Variants in HRC observed in about 807,000 individuals in gnomAD.
HRC encodes histidine rich calcium binding protein, also known as sarcoplasmic reticulum histidine-rich calcium-binding protein.
In HRC, 41 loss-of-function variants were observed where a neutral mutation model predicts 61.4. The observed-to-expected ratio is 0.67, with a 90% confidence interval of 0.52 to 0.87. The LOEUF (loss-of-function observed/expected upper bound fraction) is 0.87, where lower values mean the gene tolerates loss of function less well. Ranked by LOEUF, HRC falls within the 40% of genes least tolerant of loss-of-function variation. HRC has a pLI of 0.00. For missense variants in HRC, 839 were observed against 885.8 expected, an observed-to-expected ratio of 0.95 and a Z score of 0.67; for synonymous variants, 308 against 326.6, an observed-to-expected ratio of 0.94 and a Z score of 0.62.
rs1341440131 is a variant in HRC, at chr19:49,151,315, A to G, written c.2081T>C (p.Leu694Pro). 7 of 1,558,624 alleles carry G rather than the reference A, an allele frequency of 4.5e-6. No homozygotes were observed. The highest frequency in any genetic ancestry group is 3.9e-5 in the Admixed American group (2 of 51,866). Residue 694 changes from leucine to proline, a missense_variant, in exon 6 of 6, where the codon CTG becomes CCG. Leu to Pro is a moderately conservative substitution (Grantham distance 98). Transcript: ENST00000252825. Reference sequence around the variant, plus strand: ...ACTGGGTCAGGGTTCCGGCGTTTCCAGCATGTCTGCCAGGGCCCTGGAGAC... The same window carrying G: ...ACTGGGTCAGGGTTCCGGCGTTTCCGGCATGTCTGCCAGGGCCCTGGAGAC... ...SSLYQALADM[L>P]ETPEP is the part of the protein sequence containing the mutation.
chr19:49,154,034 C>A lies in HRC; in HGVS notation c.1204G>T (p.Asp402Tyr), dbSNP rs1420787466. The A allele has an allele frequency of 6.2e-7, 1 of 1,614,156 alleles. No homozygotes were observed. Residue 402 changes from aspartate to tyrosine, a missense_variant, in exon 1 of 6, where the codon GAT (aspartate) becomes TAT (tyrosine). By Grantham distance (160) the Asp-to-Tyr change is radical. Coordinates refer to ENST00000252825, the MANE Select transcript of HRC (RefSeq NM_002152.3). ...TACTCATCTTGGAAGTCCTCTTCAT[C>A]ACTCTTGTGGCCTCGAGGTTGGTGG... ...ASHQPRGHKSDEEDFQDEYKT... is the reference protein window; with the variant it reads ...ASHQPRGHKSYEEDFQDEYKT...
chr19:49,151,514 T>C lies in HRC; in HGVS notation c.2063+3A>G. 1 of 1,613,684 alleles carries C rather than the reference T, an allele frequency of 6.2e-7. No homozygotes were observed. The highest frequency in any genetic ancestry group is 8.5e-7 in the Non-Finnish European group (1 of 1,179,738). The stretch of plus-strand genomic sequence containing the variant: ...TTTACACGCTCCCCTTTTACACACT[T>C]ACTGATAAAGGGACGAGGAGAAATA... On this transcript the variant is annotated splice_donor_region_variant and intron_variant, in intron 5 of 5. Coordinates refer to ENST00000252825, the MANE Select transcript of HRC (RefSeq NM_002152.3).
chr19:49,154,563 C>G lies in HRC; in HGVS notation c.675G>C (p.Glu225Asp), dbSNP rs1467988552. Residue 225 changes from glutamate to aspartate, a missense_variant, in exon 1 of 6, where the codon GAG (glutamate) becomes GAC (aspartate). Coordinates refer to ENST00000252825, the MANE Select transcript of HRC (RefSeq NM_002152.3). ...RHRGHGSEEDEDVSDGHHHHG... is the reference protein window; with the variant it reads ...RHRGHGSEEDDDVSDGHHHHG... ...GATGATGGTGTCCATCTGAGACATC[C>G]TCATCCTCTTCACTCCCATGGCCTC... 1.2e-6 allele frequency: 2 copies of G among 1,611,746 alleles called. No individual in the cohort carries two copies. The highest frequency in any genetic ancestry group is 4.5e-5 in the East Asian group (2 of 44,798).
intron 4 of HRC, 27 bp downstream of exon 4, chr19:49,151,976 GT>G (rs766014147): frequency 3.7e-6 from 6 of 1,612,080 alleles, no homozygotes; most frequent in African/African-American, 2.7e-5. Flanking sequence ...CCTTCCTCAG[GT>G]TTTTCCAGGG....
chr19:49,155,043 T>G lies in HRC; in HGVS notation c.195A>C (p.Arg65Ser), dbSNP rs1177235487. The change falls in exon 1 of 6, where the codon AGA becomes AGC. Residue 65 changes from arginine (R) to serine (S), a missense_variant. Transcript: ENST00000252825. This position sits in a 1 kb window ranked among gnomAD's most constrained non-coding sequence, Gnocchi z 4.7. ...CATCCTTGTTCTCATCTGGATGGTC[T>G]CTAGGGCTGTGGAGGTGGTGGCGAA... ...AELRHHLHSPRDHPDENKDVS... is the reference protein window; with the variant it reads ...AELRHHLHSPSDHPDENKDVS... The G allele has an allele frequency of 6.8e-6, 11 of 1,614,196 alleles. No individual in the cohort carries two copies. The highest frequency in any genetic ancestry group is 9.3e-6 in the Non-Finnish European group (11 of 1,180,026).
rs149712080 is a variant in HRC at position 49,155,096 on chromosome 19, C to T, written c.142G>A (p.Gly48Arg). The part of the protein sequence containing the change: ...RNRNNSTGVA[G>R]LSEEASAELR... ...TCTGCTGATGCCTCCTCGGAGAGCCCGGCGACTCCAGTGCTGTTGTTCCGG... is the reference window on the plus strand; with the variant it reads ...TCTGCTGATGCCTCCTCGGAGAGCCTGGCGACTCCAGTGCTGTTGTTCCGG... Residue 48 changes from glycine (G) to arginine (R), a missense_variant, in exon 1 of 6, where the codon GGG becomes AGG. Coordinates refer to ENST00000252825, the MANE Select transcript of HRC (RefSeq NM_002152.3). The surrounding 1 kb of genome is among the most constrained non-coding windows in gnomAD (Gnocchi z 4.7). 1.8e-4 allele frequency: 285 copies of T among 1,614,148 alleles called. No individual in the cohort carries two copies. In the African/African-American group the frequency reaches 2.7e-3, roughly 15 times the overall value.
chr19:49,152,278 AGT>A, intron 3 of HRC, 30 bp downstream of exon 3: 1 of 1,588,244 alleles, frequency 6.3e-7, no homozygotes, highest in Non-Finnish European at 8.6e-7. Context: ...CCTGAGGCCC[AGT>A]GGAGCCTTGA....
chr19:49,153,381 C>A lies in HRC; in HGVS notation c.1831+26G>T. 4.3e-6 allele frequency: 7 copies of A among 1,612,742 alleles called. No homozygotes were observed. Among genetic ancestry groups the A allele is most frequent in the South Asian group, 1.1e-5 (1 of 91,036 alleles). On this transcript the variant is annotated intron_variant, in intron 1 of 5. Coordinates refer to ENST00000252825, the MANE Select transcript of HRC (RefSeq NM_002152.3). The surrounding 1 kb of genome is among the most constrained non-coding windows in gnomAD (Gnocchi z 4.8). ...GACCCAGGCTGACTCGGTTCCTTCC[C>A]ACCCACACCAGCCCAGGCCACTTAC...
chr19:49,152,126 G>GGGACCAGACCC, intron 3 of HRC, 68 bp from the exon 4 acceptor site: 1 of 1,446,264 alleles, frequency 6.9e-7, no homozygotes. Flanking sequence ...GGATGGGGCC[G>GGGACCAGACCC]GGACCAGACC....
rs767817381 is a variant in HRC at position 49,153,213 on chromosome 19, A to G, written c.1902+48T>C. On this transcript the variant is annotated intron_variant, in intron 2 of 5. Coordinates refer to ENST00000252825, the MANE Select transcript of HRC (RefSeq NM_002152.3). The surrounding 1 kb of genome is among the most constrained non-coding windows in gnomAD (Gnocchi z 4.8). The stretch of plus-strand genomic sequence containing the variant: ...ACAGCACCACCCCAGGGCCCCTGGG[A>G]CAGATTCTGGGGACACCTTGGTGGG... 12 of 1,462,968 alleles carry G rather than the reference A, an allele frequency of 8.2e-6. No homozygotes were observed. Among genetic ancestry groups the G allele is most frequent in the Non-Finnish European group, 1.1e-5 (12 of 1,044,396 alleles). 90.6% of individuals were successfully genotyped at this position (1,462,968 alleles called of 1,614,324 possible). A position where few individuals can be genotyped will look rare whatever the true frequency, so the allele number is the denominator to read the frequency against.
intron 3 of HRC, 98 bp downstream of exon 3, chr19:49,152,212 G>T: frequency 1.6e-6 from 2 of 1,280,962 alleles, no homozygotes; most frequent in Non-Finnish European, 2.3e-6. Context: ...AGGGGTAAGG[G>T]GTTGGGTCAG....
Position 49,154,659 on chromosome 19 carries a change from T to G in HRC, c.579A>C (p.Glu193Asp). Residue 193 changes from glutamate (E) to aspartate (D), a missense_variant, in exon 1 of 6, where the codon GAA (glutamate) becomes GAC (aspartate). By Grantham distance (45) the Glu-to-Asp change is conservative (BLOSUM62 2). Coordinates refer to ENST00000252825, the MANE Select transcript of HRC (RefSeq NM_002152.3). ...RGHDGEDDEG[E>D]EEEEEEEEEE... ...CCTCCTCCTCCTCCTCCTCCTCCTC[T>G]TCTCCTTCATCATCTTCCCCATCAT... 6.4e-7 allele frequency: 1 copy of G among 1,552,668 alleles called. No homozygotes were observed. The highest frequency in any genetic ancestry group is 8.7e-7 in the Non-Finnish European group (1 of 1,143,450).
At position 49,153,572 on chromosome 19, in the gene HRC, C is replaced by A; in HGVS notation, c.1666G>T (p.Ala556Ser). 1.3e-6 allele frequency: 2 copies of A among 1,522,228 alleles called. No homozygotes were observed. Among genetic ancestry groups the A allele is most frequent in the Admixed American group, 1.8e-5 (1 of 55,470 alleles). 94.3% of individuals were successfully genotyped at this position (1,522,228 alleles called of 1,614,324 possible). Reference sequence around the variant, plus strand: ...GGGCTCAGTGGGGCCCCAACCTCAGCCCTCTCTTCCCTCCTCTCCTCGTCT... The same window carrying A: ...GGGCTCAGTGGGGCCCCAACCTCAGACCTCTCTTCCCTCCTCTCCTCGTCT... ...EEDEERREERAEVGAPLSPDH... is the reference protein window; with the variant it reads ...EEDEERREERSEVGAPLSPDH... Residue 556 changes from alanine to serine, a missense_variant, in exon 1 of 6, where the codon GCT (alanine) becomes TCT (serine). Physicochemically the swap from Ala to Ser is moderately conservative, Grantham distance 99. Coordinates refer to ENST00000252825, the MANE Select transcript of HRC (RefSeq NM_002152.3). This position sits in a 1 kb window ranked among gnomAD's most constrained non-coding sequence, Gnocchi z 4.8.
At position 49,154,611 on chromosome 19, in the gene HRC, A is replaced by G. The variant is rs779572271; in HGVS notation, c.627T>C (p.Tyr209=). 6.2e-7 allele frequency: 1 copy of G among 1,603,678 alleles called. No individual in the cohort carries two copies. Among genetic ancestry groups the G allele is most frequent in the East Asian group, 2.2e-5 (1 of 44,618 alleles). The change falls in exon 1 of 6, where the codon TAT becomes TAC. Residue 209 remains tyrosine, a synonymous_variant. Coordinates refer to ENST00000252825, the MANE Select transcript of HRC (RefSeq NM_002152.3). The part of the protein sequence containing the change: ...EEEEEEASTE[Y]GHQAHRHRGH... ...CTCGGTGCCTGTGGGCCTGGTGTCC[A>G]TACTCAGTGGAGGCCTCCTCTTCCT...
Position 49,153,929 on chromosome 19 carries a change from G to T in HRC, c.1309C>A (p.Gln437Lys). Reference sequence around the variant, plus strand: ...TGGCTTTGCCTGTGGCTGGGGGCCTGGTGGCCAAGCTCAGCAGAGACCTCC... The same window carrying T: ...TGGCTTTGCCTGTGGCTGGGGGCCTTGTGGCCAAGCTCAGCAGAGACCTCC... ...DEEVSAELGH[Q>K]APSHRQSHQD... Residue 437 changes from glutamine (Q) to lysine (K), a missense_variant, in exon 1 of 6, where the codon CAG (glutamine) becomes AAG (lysine). Physicochemically the swap from Gln to Lys is moderately conservative, Grantham distance 53. Coordinates refer to ENST00000252825, the MANE Select transcript of HRC (RefSeq NM_002152.3). The surrounding 1 kb of genome is among the most constrained non-coding windows in gnomAD (Gnocchi z 4.8). The T allele has an allele frequency of 6.2e-7, 1 of 1,614,108 alleles. No homozygotes were observed. The highest frequency in any genetic ancestry group is 8.5e-7 in the Non-Finnish European group (1 of 1,180,016).
chr19:49,153,401 A>C lies in HRC; in HGVS notation c.1831+6T>G. ...CTTCCCACCCACACCAGCCCAGGCC[A>C]CTTACCTGTGTCCTCACCGCTTTCC... On this transcript the variant is annotated splice_donor_region_variant and intron_variant, in intron 1 of 5. Coordinates refer to ENST00000252825, the MANE Select transcript of HRC (RefSeq NM_002152.3). This position sits in a 1 kb window ranked among gnomAD's most constrained non-coding sequence, Gnocchi z 4.8. 1 of 1,613,512 alleles carries C rather than the reference A, an allele frequency of 6.2e-7. No individual in the cohort carries two copies.
rs749709385 is a variant in HRC at position 49,153,511 on chromosome 19, C to CCCT, written c.1724_1726dup (p.Glu575dup). The CCCT allele has an allele frequency of 3.4e-5, 54 of 1,581,676 alleles. No homozygotes were observed. The highest frequency in any genetic ancestry group is 2.9e-4 in the East Asian group (13 of 44,632). On this transcript the variant is annotated inframe_insertion, in exon 1 of 6. Transcript: ENST00000252825. This position sits in a 1 kb window ranked among gnomAD's most constrained non-coding sequence, Gnocchi z 4.8. The stretch of plus-strand genomic sequence containing the variant: ...GAAGCGGGGCTCATCTTCCTCCAGC[C>CCCT]CCTCCTCCTCCTCCTCTTCCTCCTC...
At chr19:49,151,443 T>A (rs2036277799) in intron 5 of HRC, 74 bp downstream of exon 5, 1 of 1,588,950 alleles carries the variant, frequency 6.3e-7, no homozygotes, top group Admixed American at 1.7e-5. Context: ...AGTCCCAGAG[T>A]CATCTGATAA....
At position 49,152,240 on chromosome 19, in the gene HRC, T is replaced by G. The variant is rs547977625; in HGVS notation, c.1971+70A>C. The G allele has an allele frequency of 4.0e-5, 57 of 1,434,264 alleles. No individual in the cohort carries two copies. The African/African-American group carries it at 6.8e-4, about 17-fold the overall frequency. 88.8% of individuals were successfully genotyped at this position (1,434,264 alleles called of 1,614,324 possible). ...TGGGTCAGAGGCCAGGATTTAGGGCTGGGGGTCCTCAGAGGGTCCCGGTGC... is the reference window on the plus strand; with the variant it reads ...TGGGTCAGAGGCCAGGATTTAGGGCGGGGGGTCCTCAGAGGGTCCCGGTGC... On this transcript the variant is annotated intron_variant, in intron 3 of 5. Transcript: ENST00000252825.
Sources: gnomAD v4.1 joint callset for allele counts on GRCh38, gnomAD v4.1.1 for gene constraint, Gnocchi (gnomAD v3.1) non-coding constraint, MANE v1.5 for transcripts, NCBI Gene and HGNC (gene_info 2026-07-23, HGNC 2026-07-21) for gene names.